Variants in SMU1 observed in about 807,000 individuals in gnomAD.
The protein encoded by SMU1 is WD40 repeat-containing protein SMU1.
A neutral mutation model predicts 62.0 loss-of-function variants in SMU1; 2 were observed. The observed-to-expected ratio is 0.03, with a 90% CI of 0.01 to 0.10. The LOEUF (loss-of-function observed/expected upper bound fraction) is 0.10. Ranked by LOEUF, SMU1 falls within the 10% of genes least tolerant of loss-of-function variation. The pLI, the probability that SMU1 is intolerant of heterozygous loss-of-function variation, is 1.00. For synonymous variants in SMU1, 188 were observed against 212.4 expected (o/e 0.89, Z 1.00); for missense variants, 227 against 622.1 (o/e 0.36, Z 6.76).
chr9:33,076,068 C>T (rs915959169), intron 1 of SMU1, among the ~76,000 whole-genome samples: 5 of 152,060 alleles, frequency 3.3e-5, no homozygotes, highest in Non-Finnish European at 5.9e-5. Context: ...ACTGAGACCA[C>T]AAGGAAAAGG....
rs1351522257 is a variant in SMU1, at chr9:33,045,106, A to C, written c.*2187T>G. ...GTGTTCCCTAAAAATTCCTAGAATA[A>C]ACCAACACGTGCTGACTAGATTCTC... On this transcript the variant is annotated 3_prime_UTR_variant, in exon 12 of 12. Transcript: ENST00000397149. 1 of 152,232 alleles carries C rather than the reference A, an allele frequency of 6.6e-6. No individual in the cohort carries two copies. Among genetic ancestry groups the C allele is most frequent in the Non-Finnish European group, 1.5e-5 (1 of 68,032 alleles). 9.4% of individuals were successfully genotyped at this position (152,232 alleles called of 1,614,324 possible). A position where few individuals can be genotyped will look rare whatever the true frequency, so the allele number is the denominator to read the frequency against.
At chr9:33,064,458 T>C (rs940281608) in intron 4 of SMU1, among the ~76,000 whole-genome samples, 1 of 152,204 alleles carries the variant, frequency 6.6e-6, no homozygotes, top group African/African-American at 2.4e-5. Context: ...GGCTCTGATC[T>C]GACCTCTCCC....
At chr9:33,048,539 C>A (rs554298008) in intron 10 of SMU1, among the ~76,000 whole-genome samples, 101 of 152,290 alleles carry the variant, frequency 6.6e-4, no homozygotes, top group Non-Finnish European at 1.0e-3. Flanking sequence ...AAGCAAATTT[C>A]ATTGCCATAC....
rs180788472 is a variant in SMU1, at chr9:33,052,648, C to T, written c.1290+475G>A. Among the ~76,000 whole-genome samples, 517 of 152,328 alleles carry T rather than the reference C, an allele frequency of 3.4e-3. 5 individuals are homozygous for T. The highest frequency in any genetic ancestry group is 0.012 in the African/African-American group (499 of 41,572). On this transcript the variant is annotated intron_variant, in intron 10 of 11. Coordinates refer to ENST00000397149, the MANE Select transcript of SMU1 (RefSeq NM_018225.3). Reference sequence around the variant, plus strand: ...GCTTCTGACACCCCCAGTGCTACTTCACAGTCCACAAAAGTGAGATTCCTT... The same window carrying T: ...GCTTCTGACACCCCCAGTGCTACTTTACAGTCCACAAAAGTGAGATTCCTT...
intron 6 of SMU1, among the ~76,000 whole-genome samples, chr9:33,058,931 A>G (rs1210549211): frequency 6.6e-6 from 1 of 152,176 alleles, no homozygotes; most frequent in Non-Finnish European, 1.5e-5. Flanking sequence ...ACAAATCAAT[A>G]AAGAACAATC....
Position 33,060,600 on chromosome 9 carries a change from C to G in SMU1, c.631-16G>C. 1 of 1,603,186 alleles carries G rather than the reference C, an allele frequency of 6.2e-7. No individual in the cohort carries two copies. The highest frequency in any genetic ancestry group is 8.5e-7 in the Non-Finnish European group (1 of 1,177,694). ...TCTGACCAAACTGTTTCAAATGAAA[C>G]AATGAAACAGATGCATTTTTATCTA... On this transcript the variant is annotated splice_polypyrimidine_tract_variant and intron_variant, in intron 5 of 11. Transcript: ENST00000397149.
intron 2 of SMU1, among the ~76,000 whole-genome samples, chr9:33,073,355 C>A (rs1839508800): frequency 6.6e-6 from 1 of 152,062 alleles, no homozygotes; most frequent in South Asian, 2.1e-4. Flanking sequence ...TGTGATCTTG[C>A]CACTGCACTC....
chr9:33,061,943 G>A (rs998344151), intron 5 of SMU1, 106 bp downstream of exon 5: 262 of 1,186,752 alleles, frequency 2.2e-4, no homozygotes, highest in Non-Finnish European at 2.9e-4. Context: ...GCTGGAGAAT[G>A]AGTTCTCCCC....
At chr9:33,056,742 G>T in intron 8 of SMU1, 95 bp downstream of exon 8, 2 of 1,329,186 alleles carry the variant, frequency 1.5e-6, no homozygotes, top group Admixed American at 2.1e-5. Context: ...CATGGTAAAA[G>T]CATCATGGTA....
In SMU1 at chr9:33,044,534, T is replaced by TG. The variant is rs1333793709; in HGVS notation, c.*2758dup. ...GGCTGTAAGGGCGCTGGAGGGGAGC[T>TG]GGGCTGCCCCAGCCTTCAATGCTGG... On this transcript the variant is annotated 3_prime_UTR_variant, in exon 12 of 12. Coordinates refer to ENST00000397149, the MANE Select transcript of SMU1 (RefSeq NM_018225.3). 1 of 152,246 alleles carries TG rather than the reference T, an allele frequency of 6.6e-6. No individual in the cohort carries two copies. The highest frequency in any genetic ancestry group is 6.5e-5 in the Admixed American group (1 of 15,286). 9.4% of individuals were successfully genotyped at this position (152,246 alleles called of 1,614,324 possible). A position where few individuals can be genotyped will look rare whatever the true frequency, so the allele number is the denominator to read the frequency against.
At chr9:33,062,454 G>A (rs1477105012) in intron 4 of SMU1, among the ~76,000 whole-genome samples, 2 of 151,952 alleles carry the variant, frequency 1.3e-5, no homozygotes, top group African/African-American at 2.4e-5. Context: ...AACAAAACTT[G>A]GAAAACAAAG....
rs759384469 is a variant in SMU1 at position 33,060,375 on chromosome 9, T to C, written c.750+90A>G. On this transcript the variant is annotated intron_variant, in intron 6 of 11. Coordinates refer to ENST00000397149, the MANE Select transcript of SMU1 (RefSeq NM_018225.3). ...CATGTTCATTACATACAGATCCTTT[T>C]TCAACTAATCTGATTTAGAGGCCAT... 6.0e-6 allele frequency: 7 copies of C among 1,165,020 alleles called. No individual in the cohort carries two copies. In the South Asian group the frequency reaches 1.1e-4, roughly 18 times the overall value. The allele number at this position is 1,165,020 out of a possible 1,614,324, so 72.2% of individuals were successfully genotyped here.
At chr9:33,053,546 G>T (rs79226160) in intron 9 of SMU1, among the ~76,000 whole-genome samples, 10,709 of 152,138 alleles carry the variant, frequency 0.07, 510 homozygotes, top group Non-Finnish European at 0.11. Flanking sequence ...CACATAAAAT[G>T]ATGTATTTGC....
intron 5 of SMU1, among the ~76,000 whole-genome samples, 172 bp from the exon 6 acceptor site, chr9:33,060,756 T>G (rs10971374): frequency 0.11 from 16,866 of 152,252 alleles, 1,145 homozygotes; most frequent in Non-Finnish European, 0.15. Flanking sequence ...GGTGGATGTA[T>G]TTTTCTCTGA....
intron 4 of SMU1, among the ~76,000 whole-genome samples, chr9:33,066,106 C>T (rs1839416312): frequency 6.6e-6 from 1 of 152,128 alleles, no homozygotes; most frequent in Non-Finnish European, 1.5e-5. Flanking sequence ...AGGCTGAAGT[C>T]TATCAGTTCT....
intron 10 of SMU1, among the ~76,000 whole-genome samples, chr9:33,050,617 G>A (rs1370963543): frequency 6.6e-6 from 1 of 151,354 alleles, no homozygotes; most frequent in Admixed American, 6.6e-5. Context: ...CACGAGGTCA[G>A]GAGTTCAAGA....
chr9:33,073,859 A>C, intron 1 of SMU1, 53 bp from the exon 2 acceptor site: 1 of 1,517,898 alleles, frequency 6.6e-7, no homozygotes, highest in South Asian at 1.1e-5. Flanking sequence ...CAGAGGTCAA[A>C]AATAAAGCCT....
Position 33,046,843 on chromosome 9 carries a change from A to C in SMU1, c.*450T>G, listed in dbSNP as rs1438200744. 1 of 154,256 alleles carries C rather than the reference A, an allele frequency of 6.5e-6. No individual in the cohort carries two copies. Among genetic ancestry groups the C allele is most frequent in the African/African-American group, 2.4e-5 (1 of 41,300 alleles). 9.6% of individuals were successfully genotyped at this position (154,256 alleles called of 1,614,324 possible). A position where few individuals can be genotyped will look rare whatever the true frequency, so the allele number is the denominator to read the frequency against. On this transcript the variant is annotated 3_prime_UTR_variant, in exon 12 of 12. Coordinates refer to ENST00000397149, the MANE Select transcript of SMU1 (RefSeq NM_018225.3). ...TGGGAGGCGGAGGTTGCAGTGAACC[A>C]AGATCGTGCCGCTGCACTCCAGCCT...
rs184173271 is a variant in SMU1 at position 33,072,822 on chromosome 9, C to A, written c.237+774G>T. On this transcript the variant is annotated intron_variant, in intron 2 of 11. Coordinates refer to ENST00000397149, the MANE Select transcript of SMU1 (RefSeq NM_018225.3). ...CCAGCCTGGGTAACACAGTGAGACTCTGTCTCAAAAAAAAAACAAAAAAAA... is the reference window on the plus strand; with the variant it reads ...CCAGCCTGGGTAACACAGTGAGACTATGTCTCAAAAAAAAAACAAAAAAAA... 7.4e-5 allele frequency among the ~76,000 whole-genome samples: 10 copies of A among 134,516 alleles called. No homozygotes were observed. The East Asian group carries it at 1.9e-3, about 26-fold the overall frequency. The allele number at this position is 134,516 out of a possible 152,430, so 88.2% of individuals were successfully genotyped here. A position where few individuals can be genotyped will look rare whatever the true frequency, so the allele number is the denominator to read the frequency against.
Sources: allele counts gnomAD v4.1 joint callset (sites outside exome capture counted in the v4.1 genomes callset), GRCh38; gene constraint gnomAD v4.1.1; transcripts MANE v1.5; gene names NCBI Gene and HGNC (gene_info 2026-07-23, HGNC 2026-07-21).